Variants in NDST4 observed in about 807,000 individuals in gnomAD.
The protein encoded by NDST4 is N-heparan sulfate sulfotransferase 4.
NDST4 carries 63 observed loss-of-function variants against 100.8 expected under a neutral mutation model. That is an observed-to-expected ratio of 0.62 (90% confidence interval 0.51 to 0.77). NDST4 has a LOEUF of 0.77. NDST4 is among the 30% of genes least tolerant of loss of function. The pLI is 0.00. For missense variants in NDST4, 943 were observed against 1,018.4 expected (o/e 0.93, Z 1.01); for synonymous variants, 377 against 361.8 (o/e 1.04, Z -0.48).
intron 2 of NDST4, among the ~76,000 whole-genome samples, chr4:114,987,140 G>A (rs1234245252): frequency 6.6e-6 from 1 of 151,782 alleles, no homozygotes; most frequent in Non-Finnish European, 1.5e-5. Flanking sequence ...ATGGCTTTAG[G>A]AATAATATGA....
chr4:114,888,578 G>C (rs7654894), intron 6 of NDST4, among the ~76,000 whole-genome samples: 13,640 of 152,210 alleles, frequency 0.09, 1,793 homozygotes, highest in African/African-American at 0.29. Flanking sequence ...GCATAACTTA[G>C]AGTAACGCAT....
chr4:115,091,351 T>C (rs1418480329), intron 1 of NDST4, among the ~76,000 whole-genome samples: 2 of 152,104 alleles, frequency 1.3e-5, no homozygotes, highest in Non-Finnish European at 2.9e-5. Context: ...CTCAAAGGAT[T>C]AATCATTTAT....
intron 6 of NDST4, among the ~76,000 whole-genome samples, chr4:114,887,403 T>C (rs926868943): frequency 6.6e-6 from 1 of 152,188 alleles, no homozygotes; most frequent in African/African-American, 2.4e-5. Flanking sequence ...AAGATTATAA[T>C]GCTGAAGAAG....
At chr4:115,013,370 T>TATATATATATATACATATAC (rs74678897) in intron 2 of NDST4, among the ~76,000 whole-genome samples, 2 of 71,450 alleles carry the variant, frequency 2.8e-5, no homozygotes, top group African/African-American at 8.3e-5. Flanking sequence ...TATATATATA[T>TATATATATATATACATATAC]ACACACACAT....
chr4:115,042,741 T>C (rs956391431), intron 2 of NDST4, among the ~76,000 whole-genome samples: 6 of 152,098 alleles, frequency 3.9e-5, no homozygotes, highest in Admixed American at 6.6e-5. Flanking sequence ...CATTATATAC[T>C]AGGCATCTTA....
At chr4:114,960,352 A>G (rs1726233375) in intron 4 of NDST4, among the ~76,000 whole-genome samples, 2 of 152,164 alleles carry the variant, frequency 1.3e-5, no homozygotes, top group African/African-American at 4.8e-5. Flanking sequence ...TCATGCCTGT[A>G]TTACCAGCAC....
chr4:115,050,955 A>C (rs1226822656), intron 2 of NDST4, among the ~76,000 whole-genome samples: 2 of 152,120 alleles, frequency 1.3e-5, no homozygotes, highest in Non-Finnish European at 2.9e-5. Context: ...TTAATCAGTG[A>C]AAATAGCTTC....
At chr4:115,081,673 A>G (rs1277197244) in intron 1 of NDST4, among the ~76,000 whole-genome samples, 1 of 152,172 alleles carries the variant, frequency 6.6e-6, no homozygotes, top group Non-Finnish European at 1.5e-5. Flanking sequence ...TAATGGTATA[A>G]AATATGTGGC....
At chr4:114,851,206 T>C (rs1207984320) in intron 8 of NDST4, among the ~76,000 whole-genome samples, 2 of 152,172 alleles carry the variant, frequency 1.3e-5, no homozygotes, top group African/African-American at 2.4e-5. Flanking sequence ...CTGCAGTGAA[T>C]TTATAGTCTC....
intron 4 of NDST4, among the ~76,000 whole-genome samples, chr4:114,967,929 G>A (rs1011106540): frequency 4.6e-5 from 7 of 152,082 alleles, no homozygotes; most frequent in African/African-American, 1.4e-4. Context: ...TATCCTCCCA[G>A]CAATTCCATG....
chr4:114,852,869 C>A, intron 7 of NDST4, 48 bp from the exon 8 acceptor site: 1 of 1,294,684 alleles, frequency 7.7e-7, no homozygotes, highest in South Asian at 1.3e-5. Flanking sequence ...GACTGTCTGG[C>A]TCTGTTCTCT....
chr4:115,028,468 A>G (rs1298748638), intron 2 of NDST4, among the ~76,000 whole-genome samples: 1 of 152,044 alleles, frequency 6.6e-6, no homozygotes, highest in East Asian at 1.9e-4. Flanking sequence ...TAGCTTCCCT[A>G]ATATGAAAAT....
intron 2 of NDST4, among the ~76,000 whole-genome samples, chr4:115,065,926 C>A (rs1728936297): frequency 6.6e-6 from 1 of 152,146 alleles, no homozygotes; most frequent in Admixed American, 6.5e-5. Context: ...TTAGGCTGAT[C>A]CACTGCCCTA....
At chr4:114,900,394 G>T (rs1311693938) in intron 6 of NDST4, among the ~76,000 whole-genome samples, 1 of 151,550 alleles carries the variant, frequency 6.6e-6, no homozygotes, top group East Asian at 1.9e-4. Context: ...TAAGGTAGAA[G>T]CTTAGATTGA....
At chr4:115,051,257 A>G (rs1728575935) in intron 2 of NDST4, among the ~76,000 whole-genome samples, 3 of 152,148 alleles carry the variant, frequency 2.0e-5, no homozygotes, top group Admixed American at 6.6e-5. Flanking sequence ...TTAAGTGCAT[A>G]TAAAGGATAA....
intron 2 of NDST4, 93 bp from the exon 3 acceptor site, chr4:114,977,367 A>G: frequency 1.5e-6 from 1 of 678,572 alleles, no homozygotes; most frequent in South Asian, 1.8e-5. Flanking sequence ...GAGTAAAACA[A>G]AATGATATGA....
chr4:115,035,268 A>C (rs1164400565), intron 2 of NDST4, among the ~76,000 whole-genome samples: 5 of 152,158 alleles, frequency 3.3e-5, no homozygotes, highest in Non-Finnish European at 7.4e-5. Context: ...AAACAATAAG[A>C]ATATGCAAAT....
chr4:115,015,267 A>G (rs1727650133), intron 2 of NDST4, among the ~76,000 whole-genome samples: 2 of 152,108 alleles, frequency 1.3e-5, no homozygotes, highest in African/African-American at 2.4e-5. Context: ...GAGAGAAAGA[A>G]GACTCATGCC....
intron 1 of NDST4, among the ~76,000 whole-genome samples, chr4:115,087,522 C>T (rs1266139498): frequency 2.6e-5 from 4 of 150,994 alleles, no homozygotes; most frequent in Non-Finnish European, 5.9e-5. Flanking sequence ...TATATTTTTC[C>T]TTGACAGTGG....
Sources: gnomAD v4.1 joint callset for allele counts (sites outside exome capture counted in the v4.1 genomes callset) on GRCh38, gnomAD v4.1.1 for gene constraint, MANE v1.5 for transcripts, NCBI Gene and HGNC (gene_info 2026-07-23, HGNC 2026-07-21) for gene names.